SYNGR1: variants seen among roughly 807,000 people sequenced by gnomAD.
SYNGR1 encodes synaptogyrin-1.
SYNGR1 carries 14 observed loss-of-function variants against 26.1 expected under a neutral mutation model. That is an observed-to-expected ratio of 0.54 (90% CI 0.35 to 0.84). The LOEUF is 0.84. SYNGR1 is among the 40% of genes least tolerant of loss of function. The pLI, the probability that SYNGR1 is intolerant of heterozygous loss-of-function variation, is 0.01. For missense variants in SYNGR1, 319 were observed against 332.9 expected (o/e 0.96, Z 0.33); for synonymous variants, 141 against 150.1 (o/e 0.94, Z 0.44).
intron 1 of SYNGR1, chr22:39,364,361 C>G: frequency 6.2e-7 from 1 of 1,611,644 alleles, no homozygotes; most frequent in Non-Finnish European, 8.5e-7. Context: ...GCCTCCCTGA[C>G]TGTGAAATGC....
At chr22:39,369,306 C>T (rs1191871716) in intron 1 of SYNGR1, among the ~76,000 whole-genome samples, 1 of 151,102 alleles carries the variant, frequency 6.6e-6, no homozygotes, top group African/African-American at 2.4e-5. Context: ...CTGCACATCT[C>T]CCAGTGTTCA....
At chr22:39,366,844 C>G (rs868516314) in intron 1 of SYNGR1, among the ~76,000 whole-genome samples, 5 of 152,210 alleles carry the variant, frequency 3.3e-5, no homozygotes, top group African/African-American at 7.2e-5. Context: ...AGTCACTCAG[C>G]TGCTCTTCAG....
At chr22:39,380,940 A>T (rs568673273) in intron 3 of SYNGR1, among the ~76,000 whole-genome samples, 8 of 151,982 alleles carry the variant, frequency 5.3e-5, no homozygotes, top group Non-Finnish European at 8.8e-5. Flanking sequence ...TTCAAGAAGA[A>T]GATCAGATTG....
intron 1 of SYNGR1, among the ~76,000 whole-genome samples, chr22:39,365,293 G>A (rs1861200020): frequency 6.6e-6 from 1 of 152,178 alleles, no homozygotes; most frequent in South Asian, 2.1e-4. Flanking sequence ...TCTGGCCTTA[G>A]CAAGTGACTC....
intron 1 of SYNGR1, among the ~76,000 whole-genome samples, chr22:39,362,013 TC>T (rs140958097): frequency 0.046 from 4,547 of 98,168 alleles, 244 homozygotes; most frequent in African/African-American, 0.21. Flanking sequence ...CTCCTTTCTC[TC>T]CTTTTTTTTT....
intron 1 of SYNGR1, among the ~76,000 whole-genome samples, chr22:39,357,774 T>A (rs2413587): frequency 6.6e-6 from 1 of 151,340 alleles, no homozygotes; most frequent in Non-Finnish European, 1.5e-5. Flanking sequence ...ACTGGGTCCC[T>A]CAGCAGTGCA....
Position 39,381,913 on chromosome 22 carries a change from G to A in SYNGR1, c.701G>A (p.Ter234=). ...CAGGGCTACCAGTCGCAGGGCTACT[G>A]AGCCACAGTGACCGCCTGCCCCCGC... ...EPQGYQSQGY[*] The change falls in exon 4 of 4, where the codon TGA becomes TAA. Residue 234 remains the stop codon, a stop_retained_variant. Transcript: ENST00000328933. 6.2e-7 allele frequency: 1 copy of A among 1,606,884 alleles called. No homozygotes were observed. The highest frequency in any genetic ancestry group is 1.3e-5 in the African/African-American group (1 of 74,796).
chr22:39,374,629 C>G (rs746417387), intron 2 of SYNGR1, 76 bp downstream of exon 2: 1 of 1,468,986 alleles, frequency 6.8e-7, no homozygotes, highest in South Asian at 1.1e-5. Flanking sequence ...CGGCTGCCAC[C>G]CTTCTTCCCA....
Position 39,382,005 on chromosome 22 carries a change from C to A in SYNGR1, c.*91C>A. Reference sequence around the variant, plus strand: ...CCTGCCCAGGCTGCCCTGCCCAGCGCCTCATCAGCCTCTGCCTTGTCCCAC... The same window carrying A: ...CCTGCCCAGGCTGCCCTGCCCAGCGACTCATCAGCCTCTGCCTTGTCCCAC... On this transcript the variant is annotated 3_prime_UTR_variant, in exon 4 of 4. Transcript: ENST00000328933. The A allele has an allele frequency of 1.4e-6, 2 of 1,384,616 alleles. No individual in the cohort carries two copies. Among genetic ancestry groups the A allele is most frequent in the South Asian group, 2.5e-5 (2 of 80,542 alleles). 85.8% of individuals were successfully genotyped at this position (1,384,616 alleles called of 1,614,324 possible). A position where few individuals can be genotyped will look rare whatever the true frequency, so the allele number is the denominator to read the frequency against.
intron 3 of SYNGR1, 46 bp downstream of exon 3, chr22:39,376,243 C>T (rs1925278065): frequency 1.2e-6 from 2 of 1,613,376 alleles, no homozygotes; most frequent in Non-Finnish European, 1.7e-6. Flanking sequence ...CCCCTTTCCC[C>T]ACTGAGCCCC....
intron 1 of SYNGR1, among the ~76,000 whole-genome samples, chr22:39,373,510 CCT>C (rs1213380679): frequency 1.3e-5 from 2 of 149,810 alleles, no homozygotes; most frequent in Non-Finnish European, 3.0e-5. Flanking sequence ...TGAGACAGAG[CCT>C]CTCTCTGTCA....
intron 3 of SYNGR1, chr22:39,377,186 G>T (rs1925321569): frequency 6.9e-7 from 1 of 1,448,810 alleles, no homozygotes; most frequent in East Asian, 2.5e-5. Context: ...CTTCTGGTTT[G>T]CCCCGGGTTG....
Position 39,381,946 on chromosome 22 carries a change from C to T in SYNGR1, c.*32C>T, listed in dbSNP as rs1925515086. 1 of 1,565,614 alleles carries T rather than the reference C, an allele frequency of 6.4e-7. No individual in the cohort carries two copies. Among genetic ancestry groups the T allele is most frequent in the Non-Finnish European group, 8.6e-7 (1 of 1,156,564 alleles). On this transcript the variant is annotated 3_prime_UTR_variant, in exon 4 of 4. Transcript: ENST00000328933. ...GTGACCGCCTGCCCCCGCCCCTCCCCATCTGTCCCCTCTCTCCACACCCAG... is the reference window on the plus strand; with the variant it reads ...GTGACCGCCTGCCCCCGCCCCTCCCTATCTGTCCCCTCTCTCCACACCCAG...
rs777416803 is a variant in SYNGR1 at position 39,365,988 on chromosome 22, C to CTTTTTTTTTTTTTTTTTTTT, written c.100-8320_100-8301dup. Among the ~76,000 whole-genome samples the CTTTTTTTTTTTTTTTTTTTT allele has an allele frequency of 8.8e-5, 6 of 68,382 alleles. 1 individual carries two copies. In the East Asian group the frequency reaches 3.0e-3, roughly 34 times the overall value. 44.9% of individuals were successfully genotyped at this position (68,382 alleles called of 152,430 possible). A position where few individuals can be genotyped will look rare whatever the true frequency, so the allele number is the denominator to read the frequency against. On this transcript the variant is annotated intron_variant, in intron 1 of 3. Transcript: ENST00000328933. ...CGTGAGCCACCGCGCTCAGCCCCTT[C>CTTTTTTTTTTTTTTTTTTTT]TTTTTTTTTTTTTTTTTTTTTTTTT... is the stretch of plus-strand genomic sequence containing the variant.
At chr22:39,381,607 C>A in intron 3 of SYNGR1, 89 bp from the exon 4 acceptor site, 1 of 1,365,198 alleles carries the variant, frequency 7.3e-7, no homozygotes, top group Non-Finnish European at 1.0e-6. Flanking sequence ...GTCCTGTGAA[C>A]TAACCACCAC....
intron 1 of SYNGR1, among the ~76,000 whole-genome samples, chr22:39,362,578 T>C (rs1282518798): frequency 6.6e-6 from 1 of 152,160 alleles, no homozygotes; most frequent in Non-Finnish European, 1.5e-5. Flanking sequence ...GCCCTGTTCC[T>C]GTGAAGGGGG....
intron 1 of SYNGR1, among the ~76,000 whole-genome samples, chr22:39,368,494 C>T (rs920834415): frequency 1.3e-5 from 2 of 152,334 alleles, no homozygotes; most frequent in African/African-American, 4.8e-5. Flanking sequence ...AATGCCTGAC[C>T]GAGGCGGGTG....
chr22:39,356,705 G>A (rs1047907971), intron 1 of SYNGR1, among the ~76,000 whole-genome samples: 1 of 152,228 alleles, frequency 6.6e-6, no homozygotes, highest in South Asian at 2.1e-4. Context: ...TGTCAGGTGG[G>A]AGGGGAGGCA....
intron 3 of SYNGR1, chr22:39,377,079 C>T (rs1286204580): frequency 1.3e-6 from 2 of 1,550,468 alleles, no homozygotes; most frequent in East Asian, 4.9e-5. Context: ...CCACAGCTGC[C>T]TCCCCTCTGG....
Sources: gnomAD v4.1 joint callset for allele counts (sites outside exome capture counted in the v4.1 genomes callset) on GRCh38, gnomAD v4.1.1 for gene constraint, MANE v1.5 for transcripts, NCBI Gene and HGNC (gene_info 2026-07-23, HGNC 2026-07-21) for gene names.